Variants in ZNF16 observed in about 807,000 individuals in gnomAD.
The protein encoded by ZNF16 is zinc finger protein KOX9.
A neutral mutation model predicts 9.0 loss-of-function variants in ZNF16; 7 were observed. The ratio of observed to expected loss-of-function variants is 0.78; its 90% CI spans 0.44 to 1.47. The LOEUF is 1.47. Among genes scored for constraint, ZNF16 ranks in the 40% most tolerant of loss-of-function variants. The probability of loss-of-function intolerance (pLI) is 0.01; values close to 1 mark genes in which losing one functional copy is unlikely to be tolerated. For synonymous variants in ZNF16, 312 were observed against 301.5 expected (o/e 1.03, Z -0.36); for missense variants, 830 against 854.2 (o/e 0.97, Z 0.35).
At position 144,933,317 on chromosome 8, in the gene ZNF16, C is replaced by T. The variant is rs1833602145; in HGVS notation, c.197-727G>A. ...AGGACCCTTTAGAGACTGCTGTGTC[C>T]TGTCAAAGCCACCTGTACCTCTGAA... On this transcript the variant is annotated intron_variant, in intron 2 of 2. Coordinates refer to ENST00000394909, the MANE Select transcript of ZNF16 (RefSeq NM_006958.3). This position sits in a 1 kb window ranked among gnomAD's most constrained non-coding sequence, Gnocchi z 5.6. 6.6e-6 allele frequency among the ~76,000 whole-genome samples: 1 copy of T among 152,164 alleles called. No homozygotes were observed. Among genetic ancestry groups the T allele is most frequent in the South Asian group, 2.1e-4 (1 of 4,826 alleles).
chr8:144,941,103 G>A (rs1443564828), intron 2 of ZNF16, among the ~76,000 whole-genome samples: 1 of 152,172 alleles, frequency 6.6e-6, no homozygotes, highest in Non-Finnish European at 1.5e-5. Context: ...TTGTAACGCT[G>A]TTCAAATCCC....
intron 1 of ZNF16, among the ~76,000 whole-genome samples, chr8:144,946,734 G>T (rs537379527): frequency 9.5e-6 from 1 of 104,824 alleles, no homozygotes; most frequent in Admixed American, 9.1e-5. Flanking sequence ...GTACCCTGCT[G>T]TGGGCCATAC....
chr8:144,947,767 T>A (rs1833999725), intron 1 of ZNF16, among the ~76,000 whole-genome samples: 1 of 152,180 alleles, frequency 6.6e-6, no homozygotes, highest in African/African-American at 2.4e-5. Flanking sequence ...ACACCCTTGT[T>A]AAGATTCACA....
At chr8:144,948,746 G>A (rs1834020765) in intron 1 of ZNF16, among the ~76,000 whole-genome samples, 2 of 85,144 alleles carry the variant, frequency 2.3e-5, no homozygotes, top group East Asian at 4.4e-4. Context: ...CTATGCTATG[G>A]CTTCACACCT....
At chr8:144,942,579 C>T (rs1042851207) in intron 2 of ZNF16, among the ~76,000 whole-genome samples, 4 of 152,124 alleles carry the variant, frequency 2.6e-5, no homozygotes, top group Non-Finnish European at 2.9e-5. Flanking sequence ...TGAGCCACTG[C>T]GTCAAGCCCA....
rs1405069923 is a variant in ZNF16 at position 144,933,858 on chromosome 8, C to T, written c.197-1268G>A. Among the ~76,000 whole-genome samples, 1 of 152,198 alleles carries T rather than the reference C, an allele frequency of 6.6e-6. No homozygotes were observed. Among genetic ancestry groups the T allele is most frequent in the Non-Finnish European group, 1.5e-5 (1 of 68,034 alleles). The stretch of plus-strand genomic sequence containing the variant: ...CCTTCCCTGATCATAAATGCCAGCA[C>T]CCCACCTACTTTCCTTGCCCCCACC... On this transcript the variant is annotated intron_variant, in intron 2 of 2. Coordinates refer to ENST00000394909, the MANE Select transcript of ZNF16 (RefSeq NM_006958.3). This position sits in a 1 kb window ranked among gnomAD's most constrained non-coding sequence, Gnocchi z 5.6.
At chr8:144,950,140 G>T (rs4925853) in intron 1 of ZNF16, among the ~76,000 whole-genome samples, 76,625 of 151,676 alleles carry the variant, frequency 0.51, 22,780 homozygotes, top group East Asian at 0.73. Context: ...GCCCATCCAG[G>T]CATAGTACCT....
Position 144,945,437 on chromosome 8 carries a change from C to G in ZNF16, c.196+574G>C, listed in dbSNP as rs532101871. The stretch of plus-strand genomic sequence containing the variant: ...TACAGGCGAGAGTGATCACACCCAG[C>G]CTTTCTTAATTTTTTAGTAGAGATA... On this transcript the variant is annotated intron_variant, in intron 2 of 2. Transcript: ENST00000394909. 34 of 152,360 alleles carry G rather than the reference C, an allele frequency of 2.2e-4. No homozygotes were observed. In the South Asian group the frequency reaches 6.2e-3, roughly 28 times the overall value. The allele number at this position is 152,360 out of a possible 1,614,324, so 9.4% of individuals were successfully genotyped here. A position where few individuals can be genotyped will look rare whatever the true frequency, so the allele number is the denominator to read the frequency against.
At chr8:144,937,078 TA>T (rs1407940871) in intron 2 of ZNF16, among the ~76,000 whole-genome samples, 1 of 151,686 alleles carries the variant, frequency 6.6e-6, no homozygotes, top group African/African-American at 2.4e-5. Flanking sequence ...TACACCCTTA[TA>T]AAAAATATGA....
At position 144,933,353 on chromosome 8, in the gene ZNF16, T is replaced by A. The variant is rs1343464134; in HGVS notation, c.197-763A>T. 6.6e-6 allele frequency among the ~76,000 whole-genome samples: 1 copy of A among 152,122 alleles called. No individual in the cohort carries two copies. The highest frequency in any genetic ancestry group is 2.4e-5 in the African/African-American group (1 of 41,414). On this transcript the variant is annotated intron_variant, in intron 2 of 2. Coordinates refer to ENST00000394909, the MANE Select transcript of ZNF16 (RefSeq NM_006958.3). The surrounding 1 kb of genome is among the most constrained non-coding windows in gnomAD (Gnocchi z 5.6). ...ACCTGTACCTCTGAAAACCCACAAT[T>A]CTGACTGGTGTTTGCGGATGACTTC... is the stretch of plus-strand genomic sequence containing the variant.
At position 144,932,700 on chromosome 8, in the gene ZNF16, G is replaced by C. The variant is rs1833587596; in HGVS notation, c.197-110C>G. 1.7e-6 allele frequency: 2 copies of C among 1,189,618 alleles called. No individual in the cohort carries two copies. Among genetic ancestry groups the C allele is most frequent in the African/African-American group, 3.1e-5 (2 of 65,350 alleles). The allele number at this position is 1,189,618 out of a possible 1,614,324, so 73.7% of individuals were successfully genotyped here. On this transcript the variant is annotated intron_variant, in intron 2 of 2. Transcript: ENST00000394909. The surrounding 1 kb of genome is among the most constrained non-coding windows in gnomAD (Gnocchi z 5.0). Reference sequence around the variant, plus strand: ...TGTGGAGGAGGCAAGGGGAGCAGGGGATCCTCTGGGGTGGCAGTCCAGATC... The same window carrying C: ...TGTGGAGGAGGCAAGGGGAGCAGGGCATCCTCTGGGGTGGCAGTCCAGATC...
At chr8:144,946,242 G>A (rs907745884) in intron 1 of ZNF16, 27 bp from the exon 2 acceptor site, 18 of 1,480,430 alleles carry the variant, frequency 1.2e-5, no homozygotes, top group Non-Finnish European at 1.4e-5. Context: ...ACACAGGTGA[G>A]TCTACAGACA....
chr8:144,941,224 T>C (rs1833789952), intron 2 of ZNF16, among the ~76,000 whole-genome samples: 1 of 152,238 alleles, frequency 6.6e-6, no homozygotes, highest in African/African-American at 2.4e-5. Flanking sequence ...TCTATGTCTG[T>C]TTCAGATAGT....
At chr8:144,940,549 G>T (rs1833776233) in intron 2 of ZNF16, among the ~76,000 whole-genome samples, 1 of 152,170 alleles carries the variant, frequency 6.6e-6, no homozygotes, top group Non-Finnish European at 1.5e-5. Flanking sequence ...CCCCGCTGTT[G>T]CTGGTCAGAG....
At position 144,931,021 on chromosome 8, in the gene ZNF16, A is replaced by G; in HGVS notation, c.1766T>C (p.Ile589Thr). The G allele has an allele frequency of 6.2e-7, 1 of 1,614,220 alleles. No individual in the cohort carries two copies. The highest frequency in any genetic ancestry group is 8.5e-7 in the Non-Finnish European group (1 of 1,180,044). The change falls in exon 3 of 3, where the codon ATT (isoleucine) becomes ACT (threonine). Residue 589 changes from isoleucine (I) to threonine (T), a missense_variant. Physicochemically the swap from Ile to Thr is moderately conservative, Grantham distance 89. Transcript: ENST00000394909. ...CCCAGTATGAACTTTCTGGTGGTGA[A>G]TGAGATTTGAGCTTCGGTTGAAGGC... Reference protein sequence around the residue: ...GKAFNRSSNLIHHQKVHTGEK... With the variant: ...GKAFNRSSNLTHHQKVHTGEK...
chr8:144,941,900 T>C (rs926381397), intron 2 of ZNF16, among the ~76,000 whole-genome samples: 18 of 151,686 alleles, frequency 1.2e-4, no homozygotes, highest in African/African-American at 2.2e-4. Context: ...CCTCATGATC[T>C]GCCCACCTCA....
At chr8:144,934,153 C>T (rs1015171369) in intron 2 of ZNF16, among the ~76,000 whole-genome samples, 1 of 152,240 alleles carries the variant, frequency 6.6e-6, no homozygotes, top group Non-Finnish European at 1.5e-5. Flanking sequence ...AGATCCAAAC[C>T]GGCCCAGCTC....
At chr8:144,946,433 G>A (rs1474432403) in intron 1 of ZNF16, among the ~76,000 whole-genome samples, 1 of 146,068 alleles carries the variant, frequency 6.8e-6, no homozygotes, top group African/African-American at 2.8e-5. Context: ...CAGGGCCACA[G>A]TACAAAGGGG....
intron 1 of ZNF16, among the ~76,000 whole-genome samples, chr8:144,948,945 T>C (rs1159455539): frequency 6.6e-6 from 1 of 152,202 alleles, no homozygotes; most frequent in Non-Finnish European, 1.5e-5. Context: ...TCTAATCAAA[T>C]GAGCCCTTAA....
Sources: allele counts gnomAD v4.1 joint callset (sites outside exome capture counted in the v4.1 genomes callset), GRCh38; gene constraint gnomAD v4.1.1; non-coding constraint Gnocchi (gnomAD v3.1); transcripts MANE v1.5; gene names NCBI Gene and HGNC (gene_info 2026-07-23, HGNC 2026-07-21).